Variants in MAPK4 observed in about 807,000 individuals in gnomAD.
MAPK4 encodes mitogen-activated protein kinase 4.
In MAPK4, 22 loss-of-function variants were observed where a neutral mutation model predicts 47.7. That is an observed-to-expected ratio of 0.46 (90% CI 0.33 to 0.66). The LOEUF (loss-of-function observed/expected upper bound fraction) is 0.66, where lower values mean the gene tolerates loss of function less well. Ranked by LOEUF, MAPK4 falls within the 30% of genes least tolerant of loss-of-function variation. The probability of loss-of-function intolerance (pLI) is 0.02; values close to 1 mark genes in which losing one functional copy is unlikely to be tolerated. For missense variants in MAPK4, 736 were observed against 831.7 expected, an observed-to-expected ratio of 0.88 and a Z score of 1.42; for synonymous variants, 390 against 365.7, an observed-to-expected ratio of 1.07 and a Z score of -0.76.
intron 2 of MAPK4, among the ~76,000 whole-genome samples, chr18:50,675,055 A>C (rs1464146099): frequency 6.6e-6 from 1 of 152,182 alleles, no homozygotes; most frequent in East Asian, 1.9e-4. Context: ...ATGGGTGTTA[A>C]CCTACTAAAT....
chr18:50,643,805 T>C lies in MAPK4; in HGVS notation c.-870-19284T>C, dbSNP rs537490379. 1.4e-4 allele frequency among the ~76,000 whole-genome samples: 21 copies of C among 152,280 alleles called. 1 individual carries two copies. The South Asian group carries it at 4.2e-3, about 30-fold the overall frequency. On this transcript the variant is annotated intron_variant, in intron 1 of 5. Transcript: ENST00000400384. ...AGTCTAGGGCCTCTCCAAATATCCA[T>C]GGGGCTGACGGCATCCTCCACGGCT...
At chr18:50,696,375 C>G (rs1411435431) in intron 2 of MAPK4, among the ~76,000 whole-genome samples, 3 of 152,218 alleles carry the variant, frequency 2.0e-5, no homozygotes, top group Non-Finnish European at 4.4e-5. Context: ...TCCTGAGTGG[C>G]TCAGAACAGC....
intron 1 of MAPK4, among the ~76,000 whole-genome samples, chr18:50,595,210 G>T (rs1262247053): frequency 6.6e-6 from 1 of 152,142 alleles, no homozygotes; most frequent in Non-Finnish European, 1.5e-5. Context: ...TTACACAAGA[G>T]AAATGCAAAC....
intron 1 of MAPK4, among the ~76,000 whole-genome samples, chr18:50,592,679 T>C (rs549673764): frequency 1.3e-5 from 2 of 152,200 alleles, no homozygotes; most frequent in Non-Finnish European, 2.9e-5. Flanking sequence ...AAAGTAAAAA[T>C]GTATTGACTG....
chr18:50,677,080 T>G (rs1908314928), intron 2 of MAPK4, among the ~76,000 whole-genome samples: 1 of 152,126 alleles, frequency 6.6e-6, no homozygotes, highest in African/African-American at 2.4e-5. Flanking sequence ...CTAACCCTAT[T>G]GTGAACTGCG....
chr18:50,659,824 A>G (rs987286424), intron 1 of MAPK4, among the ~76,000 whole-genome samples: 3 of 152,200 alleles, frequency 2.0e-5, no homozygotes, highest in African/African-American at 7.2e-5. Context: ...TCCATCTCAG[A>G]CAGTGAATGC....
At chr18:50,652,022 G>A (rs2043055438) in intron 1 of MAPK4, among the ~76,000 whole-genome samples, 1 of 152,224 alleles carries the variant, frequency 6.6e-6, no homozygotes. Flanking sequence ...TTGTGGTCAT[G>A]ACTGTACTTA....
chr18:50,622,727 A>G (rs2042743442), intron 1 of MAPK4, among the ~76,000 whole-genome samples: 1 of 152,244 alleles, frequency 6.6e-6, no homozygotes, highest in Admixed American at 6.5e-5. Flanking sequence ...GAACTACAGC[A>G]TTTGTTTAAA....
chr18:50,674,939 C>T (rs1908173566), intron 2 of MAPK4, among the ~76,000 whole-genome samples: 1 of 152,182 alleles, frequency 6.6e-6, no homozygotes, highest in South Asian at 2.1e-4. Context: ...TTCTCTTCCT[C>T]AGGGCAGCAT....
chr18:50,579,751 A>G (rs1444253868), intron 1 of MAPK4, among the ~76,000 whole-genome samples: 1 of 152,146 alleles, frequency 6.6e-6, no homozygotes, highest in Non-Finnish European at 1.5e-5. Context: ...TGGAGTCAGT[A>G]GGGCTGTCCA....
Position 50,583,269 on chromosome 18 carries a change from C to T in MAPK4, c.-871+23026C>T, listed in dbSNP as rs118116166. ...GGTGGTCTTTGGAAAAAGCACCATT[C>T]GATTGGTTAAAAGGCATCATTCAGA... On this transcript the variant is annotated intron_variant, in intron 1 of 5. Transcript: ENST00000400384. Among the ~76,000 whole-genome samples, 1,245 of 152,146 alleles carry T rather than the reference C, an allele frequency of 8.2e-3. 14 individuals carry two copies. The highest frequency in any genetic ancestry group is 0.034 in the Admixed American group (525 of 15,274).
chr18:50,711,416 G>A (rs1598942054), intron 2 of MAPK4, among the ~76,000 whole-genome samples: 1 of 152,230 alleles, frequency 6.6e-6, no homozygotes, highest in Non-Finnish European at 1.5e-5. Context: ...GATTAGGAAG[G>A]GGCCACTCCC....
chr18:50,625,989 A>G (rs1250794057), intron 1 of MAPK4, among the ~76,000 whole-genome samples: 1 of 152,052 alleles, frequency 6.6e-6, no homozygotes, highest in African/African-American at 2.4e-5. Context: ...GACAAGTCCA[A>G]AATCAGCAGG....
At chr18:50,599,396 A>G (rs750764007) in intron 1 of MAPK4, among the ~76,000 whole-genome samples, 22 of 152,184 alleles carry the variant, frequency 1.4e-4, no homozygotes, top group Non-Finnish European at 2.5e-4. Context: ...ATCTATGTCT[A>G]TGAACATATT....
At chr18:50,688,332 G>T (rs1909005047) in intron 2 of MAPK4, among the ~76,000 whole-genome samples, 1 of 152,146 alleles carries the variant, frequency 6.6e-6, no homozygotes, top group Admixed American at 6.5e-5. Flanking sequence ...AGCTGCTTTA[G>T]ACTGGAAATG....
At chr18:50,692,275 C>G (rs1001717545) in intron 2 of MAPK4, among the ~76,000 whole-genome samples, 1 of 152,202 alleles carries the variant, frequency 6.6e-6, no homozygotes, top group Non-Finnish European at 1.5e-5. Context: ...CATGCAGGGC[C>G]TCTCTCCGCG....
chr18:50,571,534 A>T (rs946352568), intron 1 of MAPK4, among the ~76,000 whole-genome samples: 2 of 152,250 alleles, frequency 1.3e-5, no homozygotes, highest in Non-Finnish European at 2.9e-5. Context: ...GCCTGAGATG[A>T]AGTAAATTAA....
chr18:50,562,643 T>C (rs1013829085), intron 1 of MAPK4, among the ~76,000 whole-genome samples: 1 of 152,232 alleles, frequency 6.6e-6, no homozygotes, highest in Non-Finnish European at 1.5e-5. Context: ...AATCTGTTAC[T>C]CTGATAATCT....
At chr18:50,637,950 T>C (rs916702443) in intron 1 of MAPK4, among the ~76,000 whole-genome samples, 3 of 152,228 alleles carry the variant, frequency 2.0e-5, no homozygotes, top group African/African-American at 7.2e-5. Flanking sequence ...TACAATCACA[T>C]TCTGAGTTAC....
Sources: allele counts gnomAD v4.1 joint callset (sites outside exome capture counted in the v4.1 genomes callset), GRCh38; gene constraint gnomAD v4.1.1; transcripts MANE v1.5; gene names NCBI Gene and HGNC (gene_info 2026-07-23, HGNC 2026-07-21).